Variants in MAGT1 observed in about 807,000 individuals in gnomAD.
MAGT1 encodes the protein dolichyl-diphosphooligosaccharide--protein glycosyltransferase subunit MAGT1.
Under a neutral mutation model 28.4 loss-of-function variants are expected in MAGT1, and 4 were observed. That is an observed-to-expected ratio of 0.14 (90% CI 0.07 to 0.32). The LOEUF is 0.32. MAGT1 is among the 10% of genes least tolerant of loss of function. MAGT1 has a pLI of 1.00. For synonymous variants in MAGT1, 89 were observed against 89.7 expected, an observed-to-expected ratio of 0.99 and a Z score of 0.04; for missense variants, 193 against 264.5, an observed-to-expected ratio of 0.73 and a Z score of 1.88.
intron 1 of MAGT1, among the ~76,000 whole-genome samples, chrX:77,891,315 C>CATCTATCTATCTATCT (rs79053193): frequency 0.03 from 2,746 of 90,404 alleles, 44 homozygotes; most frequent in East Asian, 0.042. Context: ...TCAGTTCCCT[C>CATCTATCTATCTATCT]ATCTATCTAT....
chrX:77,878,988 A>G (rs1051977098), intron 1 of MAGT1, among the ~76,000 whole-genome samples: 1 of 111,104 alleles, frequency 9.0e-6, no homozygotes, highest in African/African-American at 3.3e-5. Flanking sequence ...TGGTTAGTCG[A>G]CAGGATTTAA....
At chrX:77,893,032 A>T (rs182766299) in intron 1 of MAGT1, among the ~76,000 whole-genome samples, 4 of 111,506 alleles carry the variant, frequency 3.6e-5, no homozygotes, top group African/African-American at 1.3e-4. Context: ...CGCTCCTGTA[A>T]TCTCAGCACT....
chrX:77,831,207 C>T (rs1001963674), intron 8 of MAGT1, among the ~76,000 whole-genome samples: 2 of 109,845 alleles, frequency 1.8e-5, no homozygotes, highest in East Asian at 2.9e-4. Context: ...TTAGTAGAGA[C>T]GGGGTTTCAC....
chrX:77,871,699 G>A (rs181681395), intron 2 of MAGT1, among the ~76,000 whole-genome samples: 86 of 110,304 alleles, frequency 7.8e-4, no homozygotes, highest in Non-Finnish European at 1.3e-3. Context: ...AAAATTAACC[G>A]GGCATGGTGG....
At chrX:77,888,074 T>G (rs782602859) in intron 1 of MAGT1, among the ~76,000 whole-genome samples, 3 of 112,070 alleles carry the variant, frequency 2.7e-5, no homozygotes. Context: ...CCTCCCAAAG[T>G]GCTGTGATTA....
chrX:77,881,190 A>G (rs782420233), intron 1 of MAGT1, among the ~76,000 whole-genome samples: 1 of 110,963 alleles, frequency 9.0e-6, no homozygotes, highest in African/African-American at 3.3e-5. Flanking sequence ...AGCACAGAAA[A>G]TATGGGTTCA....
chrX:77,848,433 G>A (rs1336605514), intron 7 of MAGT1, among the ~76,000 whole-genome samples: 1 of 112,129 alleles, frequency 8.9e-6, no homozygotes, highest in African/African-American at 3.2e-5. Flanking sequence ...TCAGGAGTTC[G>A]AGACCAGCCT....
intron 7 of MAGT1, among the ~76,000 whole-genome samples, chrX:77,846,787 T>C (rs1435984775): frequency 9.0e-6 from 1 of 111,682 alleles, no homozygotes; most frequent in Non-Finnish European, 1.9e-5. Context: ...TGATTGTTCC[T>C]CTGGAAGTTT....
intron 7 of MAGT1, among the ~76,000 whole-genome samples, chrX:77,844,342 CTTCT>C (rs782342317): frequency 4.0e-4 from 45 of 111,118 alleles, no homozygotes; most frequent in Middle Eastern, 4.7e-3. Context: ...TCTCTCTTTT[CTTCT>C]TTATTAGTCT....
chrX:77,832,913 T>C (rs2076903358), intron 8 of MAGT1, among the ~76,000 whole-genome samples: 1 of 110,366 alleles, frequency 9.1e-6, no homozygotes, highest in Non-Finnish European at 1.9e-5. Flanking sequence ...TTGCCTTTTC[T>C]AATTGTTACA....
At chrX:77,894,276 A>G (rs1334520577) in intron 1 of MAGT1, among the ~76,000 whole-genome samples, 2 of 112,079 alleles carry the variant, frequency 1.8e-5, no homozygotes, top group Non-Finnish European at 3.8e-5. Context: ...CTCTTTGCCA[A>G]TCTAATAAGC....
intron 3 of MAGT1, among the ~76,000 whole-genome samples, chrX:77,869,043 T>C (rs955311756): frequency 8.9e-6 from 1 of 111,830 alleles, no homozygotes; most frequent in Non-Finnish European, 1.9e-5. Flanking sequence ...AAACTCTTTT[T>C]TTGAGACTGA....
chrX:77,869,726 C>CA lies in MAGT1; in HGVS notation c.390+1081dup, dbSNP rs1365693907. On this transcript the variant is annotated intron_variant, in intron 3 of 9. Coordinates refer to ENST00000618282, the MANE Select transcript of MAGT1 (RefSeq NM_001367916.1). ...CATAATTAAAGCAAAAAAAAAAACACAAAAAACAAAACAAAAAAAAACAAA... is the reference window on the plus strand; with the variant it reads ...CATAATTAAAGCAAAAAAAAAAACACAAAAAAACAAAACAAAAAAAAACAAA... Among the ~76,000 whole-genome samples the CA allele has an allele frequency of 6.6e-5, 7 of 106,420 alleles. No homozygotes were observed. In the East Asian group the frequency reaches 9.0e-4, roughly 14 times the overall value. 92.4% of individuals were successfully genotyped at this position (106,420 alleles called of 115,157 possible).
chrX:77,886,735 C>A (rs1557219041), intron 1 of MAGT1, among the ~76,000 whole-genome samples: 1 of 111,541 alleles, frequency 9.0e-6, no homozygotes, highest in Admixed American at 9.6e-5. Context: ...AGGGCAGATT[C>A]CAAGAATATT....
At chrX:77,833,548 C>T (rs1194035413) in intron 8 of MAGT1, among the ~76,000 whole-genome samples, 1 of 111,843 alleles carries the variant, frequency 8.9e-6, no homozygotes, top group Non-Finnish European at 1.9e-5. Context: ...TGAGTATTCT[C>T]AGGGCAAATG....
chrX:77,869,156 C>T (rs541592143), intron 3 of MAGT1, among the ~76,000 whole-genome samples: 13 of 110,870 alleles, frequency 1.2e-4, no homozygotes, highest in Admixed American at 1.9e-4. Flanking sequence ...GTTGGGATTA[C>T]GGGCGCCCGC....
At position 77,895,323 on chromosome X, in the gene MAGT1, G is replaced by T. The variant is rs1485658422; in HGVS notation, c.88C>A (p.Gln30Lys). ...CGCGTTCTCACCTCCTTCTTTCTTT[G>T]GGCAGAGGCTGAGGGAACGTCGCAA... ...IVCDVPSASA[Q>K]RKKEMVLSEK... The change falls in exon 1 of 10, where the codon CAA (glutamine) becomes AAA (lysine). Residue 30 changes from glutamine to lysine, a missense_variant. Gln to Lys is a moderately conservative substitution (Grantham distance 53). Transcript: ENST00000618282. 1 of 1,210,600 alleles carries T rather than the reference G, an allele frequency of 8.3e-7. No homozygotes were observed. The highest frequency in any genetic ancestry group is 1.1e-6 in the Non-Finnish European group (1 of 895,292).
At chrX:77,890,027 A>T (rs782565085) in intron 1 of MAGT1, among the ~76,000 whole-genome samples, 1 of 112,277 alleles carries the variant, frequency 8.9e-6, no homozygotes, top group South Asian at 3.7e-4. Context: ...GAGGATATGC[A>T]ATGTTTGTCT....
rs781869286 is a variant in MAGT1, at chrX:77,838,456, TA to T, written c.901+2789del. On this transcript the variant is annotated intron_variant, in intron 8 of 9. Coordinates refer to ENST00000618282, the MANE Select transcript of MAGT1 (RefSeq NM_001367916.1). ...TGGGCAACAGAGTAAGGCCTGGCCT[TA>T]AAAAAAAAAAAAAAATGTCCAGCTG... 5.0e-3 allele frequency among the ~76,000 whole-genome samples: 459 copies of T among 91,589 alleles called. 1 individual carries two copies. Among genetic ancestry groups the T allele is most frequent in the Admixed American group, 4.8e-3 (39 of 8,152 alleles). 79.5% of individuals were successfully genotyped at this position (91,589 alleles called of 115,157 possible).
Sources: allele counts gnomAD v4.1 joint callset (sites outside exome capture counted in the v4.1 genomes callset), GRCh38; gene constraint gnomAD v4.1.1; transcripts MANE v1.5; gene names NCBI Gene and HGNC (gene_info 2026-07-23, HGNC 2026-07-21).